USP15: variants seen among roughly 807,000 people sequenced by gnomAD.
USP15 encodes the protein ubiquitin specific peptidase 15.
A neutral mutation model predicts 127.1 loss-of-function variants in USP15; 18 were observed. The ratio of observed to expected loss-of-function variants is 0.14; its 90% CI spans 0.10 to 0.21. USP15 has a LOEUF of 0.21. USP15 is among the 10% of genes least tolerant of loss of function. The pLI is 1.00. For missense variants in USP15, 805 were observed against 1,159.9 expected, an observed-to-expected ratio of 0.69 and a Z score of 4.44; for synonymous variants, 364 against 393.7, an observed-to-expected ratio of 0.92 and a Z score of 0.89.
At chr12:62,391,076 T>C in intron 15 of USP15, 81 bp from the exon 16 acceptor site, 1 of 1,505,360 alleles carries the variant, frequency 6.6e-7, no homozygotes, top group Non-Finnish European at 8.9e-7. Context: ...AAAAAATACC[T>C]GGAAACCTAG....
At position 62,407,201 on chromosome 12, in the gene USP15, A is replaced by G. The variant is rs1014944283; in HGVS notation, c.*2826A>G. ...TCTCTCATTTAATCCCACAACAGCT[A>G]TGAGGTAGGGATAGTTGTCATCCCC... is the stretch of plus-strand genomic sequence containing the variant. On this transcript the variant is annotated 3_prime_UTR_variant, in exon 22 of 22. Transcript: ENST00000280377. The G allele has an allele frequency of 2.6e-5, 4 of 152,202 alleles. No individual in the cohort carries two copies. Among genetic ancestry groups the G allele is most frequent in the Non-Finnish European group, 4.4e-5 (3 of 68,034 alleles). The allele number at this position is 152,202 out of a possible 1,614,324, so 9.4% of individuals were successfully genotyped here.
At chr12:62,338,407 T>C (rs986115190) in intron 6 of USP15, among the ~76,000 whole-genome samples, 2 of 152,184 alleles carry the variant, frequency 1.3e-5, no homozygotes, top group African/African-American at 4.8e-5. Flanking sequence ...TTGCAGAAAT[T>C]TTCTCCCATT....
intron 3 of USP15, among the ~76,000 whole-genome samples, chr12:62,311,279 G>C (rs1368052297): frequency 6.6e-6 from 1 of 151,816 alleles, no homozygotes; most frequent in African/African-American, 2.4e-5. Context: ...ACATTACTGG[G>C]TAAAATTAAA....
intron 8 of USP15, among the ~76,000 whole-genome samples, chr12:62,363,852 C>T (rs116313500): frequency 3.6e-4 from 55 of 152,152 alleles, no homozygotes; most frequent in African/African-American, 1.2e-3. Context: ...TAGTTTTTGG[C>T]TTATATATCA....
At chr12:62,262,613 T>C (rs957944798) in intron 1 of USP15, among the ~76,000 whole-genome samples, 4 of 142,640 alleles carry the variant, frequency 2.8e-5, no homozygotes, top group African/African-American at 1.1e-4. Context: ...TTCAAATAAG[T>C]ATATTTTTGC....
At chr12:62,317,527 T>C (rs1322123277) in intron 4 of USP15, among the ~76,000 whole-genome samples, 1 of 152,158 alleles carries the variant, frequency 6.6e-6, no homozygotes, top group Non-Finnish European at 1.5e-5. Context: ...ACTGGGCTGA[T>C]TTTGTTTTTC....
intron 6 of USP15, chr12:62,336,271 A>T (rs1385503707): frequency 3.0e-6 from 3 of 985,324 alleles, no homozygotes; most frequent in Non-Finnish European, 3.6e-6. Context: ...CAGATTTTTC[A>T]TAAATTTCAT....
At chr12:62,323,722 T>A (rs992831397) in intron 5 of USP15, among the ~76,000 whole-genome samples, 1 of 152,164 alleles carries the variant, frequency 6.6e-6, no homozygotes, top group African/African-American at 2.4e-5. Context: ...ATCTATAGAA[T>A]TCTTTATTTA....
At chr12:62,273,896 A>G (rs935146936) in intron 1 of USP15, among the ~76,000 whole-genome samples, 1 of 152,136 alleles carries the variant, frequency 6.6e-6, no homozygotes, top group African/African-American at 2.4e-5. Flanking sequence ...GTTGGAATTT[A>G]TCTTCTAAAT....
intron 9 of USP15, among the ~76,000 whole-genome samples, chr12:62,381,904 G>C (rs1316650635): frequency 1.3e-5 from 2 of 151,878 alleles, no homozygotes; most frequent in African/African-American, 4.8e-5. Context: ...CTGGAATGGA[G>C]AGAATAATGA....
chr12:62,374,172 T>G (rs779384384), intron 8 of USP15, among the ~76,000 whole-genome samples: 2 of 152,026 alleles, frequency 1.3e-5, no homozygotes, highest in East Asian at 3.8e-4. Context: ...TAACCATGGA[T>G]TACTTCAAGT....
intron 1 of USP15, among the ~76,000 whole-genome samples, chr12:62,265,205 T>C (rs79021534): frequency 0.077 from 11,695 of 152,258 alleles, 582 homozygotes; most frequent in Middle Eastern, 0.16. Flanking sequence ...TGTTAGCACA[T>C]ATAAGGCATT....
At chr12:62,399,074 T>C (rs2067591779) in intron 20 of USP15, among the ~76,000 whole-genome samples, 1 of 152,226 alleles carries the variant, frequency 6.6e-6, no homozygotes, top group African/African-American at 2.4e-5. Context: ...ACAAACTCTG[T>C]GCCTTTTTGT....
chr12:62,329,503 A>G (rs1040716651), intron 6 of USP15, among the ~76,000 whole-genome samples: 1 of 152,248 alleles, frequency 6.6e-6, no homozygotes, highest in African/African-American at 2.4e-5. Flanking sequence ...TAAAAGAACT[A>G]TACACAGAGT....
At chr12:62,401,956 A>G (rs1169210647) in intron 21 of USP15, among the ~76,000 whole-genome samples, 1 of 150,330 alleles carries the variant, frequency 6.7e-6, no homozygotes, top group East Asian at 1.9e-4. Context: ...CTCTCCCTAT[A>G]TCTATGACAA....
At chr12:62,279,349 G>A (rs942995505) in intron 1 of USP15, among the ~76,000 whole-genome samples, 18 of 152,030 alleles carry the variant, frequency 1.2e-4, no homozygotes, top group African/African-American at 4.3e-4. Context: ...AGGCTAAATA[G>A]TACTCCATTT....
chr12:62,335,266 C>G lies in USP15; in HGVS notation c.683+9333C>G, dbSNP rs561994540. The stretch of plus-strand genomic sequence containing the variant: ...GGTTATCATCCACAGACTGACCAGT[C>G]AACCCCTAAATAACCTGATATTAAC... On this transcript the variant is annotated intron_variant, in intron 6 of 21. Transcript: ENST00000280377. 11 of 1,517,362 alleles carry G rather than the reference C, an allele frequency of 7.2e-6. No individual in the cohort carries two copies. The South Asian group carries it at 1.4e-4, about 19-fold the overall frequency. The allele number at this position is 1,517,362 out of a possible 1,614,324, so 94.0% of individuals were successfully genotyped here.
intron 1 of USP15, among the ~76,000 whole-genome samples, chr12:62,292,259 T>G (rs1212971199): frequency 6.6e-6 from 1 of 152,220 alleles, no homozygotes; most frequent in East Asian, 1.9e-4. Context: ...TCAGTTCTCT[T>G]AGACACTGCT....
intron 5 of USP15, among the ~76,000 whole-genome samples, chr12:62,323,792 CTG>C (rs1435713154): frequency 6.6e-6 from 1 of 152,108 alleles, no homozygotes; most frequent in Non-Finnish European, 1.5e-5. Context: ...CATTAGAAAA[CTG>C]AGACTCAGAG....
Sources: allele counts gnomAD v4.1 joint callset (sites outside exome capture counted in the v4.1 genomes callset), GRCh38; gene constraint gnomAD v4.1.1; transcripts MANE v1.5; gene names NCBI Gene and HGNC (gene_info 2026-07-23, HGNC 2026-07-21).